The following ARHGEF7 variants were observed in gnomAD, a reference collection of about 807,000 sequenced individuals.
ARHGEF7 encodes the protein Rho guanine nucleotide exchange factor 7.
ARHGEF7 carries 33 observed loss-of-function variants against 109.8 expected under a neutral mutation model. That is an observed-to-expected ratio of 0.30 (90% confidence interval 0.23 to 0.40). The LOEUF is 0.40. Among genes scored for constraint, ARHGEF7 ranks in the 10% least tolerant of loss-of-function variants. ARHGEF7 has a pLI of 1.00. For synonymous variants in ARHGEF7, 458 were observed against 424.6 expected, an observed-to-expected ratio of 1.08 and a Z score of -0.97; for missense variants, 938 against 1,098.5, an observed-to-expected ratio of 0.85 and a Z score of 2.07.
In ARHGEF7 at chr13:111,301,508, G is replaced by A. The variant is rs142207275; in HGVS notation, c.2442G>A (p.Lys814=). The change falls in exon 21 of 22, where the codon AAG becomes AAA. Residue 814 remains lysine (K), a synonymous_variant. Coordinates refer to ENST00000646102, the MANE Select transcript of ARHGEF7 (RefSeq NM_001354046.2). ...TTGTGGATACCGTATATGCATTAAA[G>A]GATGAAGTTCAAGAATTAAGACAGG... ...KSLVDTVYAL[K]DEVQELRQDN... 9.3e-6 allele frequency: 15 copies of A among 1,612,652 alleles called. No homozygotes were observed. Among genetic ancestry groups the A allele is most frequent in the Non-Finnish European group, 1.2e-5 (14 of 1,178,962 alleles).
intron 3 of ARHGEF7, among the ~76,000 whole-genome samples, chr13:111,206,029 C>G (rs979923663): frequency 6.6e-6 from 1 of 152,096 alleles, no homozygotes; most frequent in Admixed American, 6.5e-5. Context: ...CCCTGAGGAG[C>G]TCTTTCTTGG....
intron 2 of ARHGEF7, among the ~76,000 whole-genome samples, chr13:111,202,305 T>C (rs536624249): frequency 6.6e-6 from 1 of 152,328 alleles, no homozygotes; most frequent in East Asian, 1.9e-4. Context: ...CCAGGAGCGC[T>C]TCTCACGCTT....
At position 111,222,708 on chromosome 13, in the gene ARHGEF7, C is replaced by T. The variant is rs201517970; in HGVS notation, c.670+4828C>T. Among the ~76,000 whole-genome samples, 6 of 152,358 alleles carry T rather than the reference C, an allele frequency of 3.9e-5. No homozygotes were observed. The East Asian group carries it at 1.2e-3, about 29-fold the overall frequency. ...CCTCCCAAAGTGCTGGGATTACAGG[C>T]GTGAGCCACCACGCCCAGCCCAGTC... On this transcript the variant is annotated intron_variant, in intron 5 of 21. Coordinates refer to ENST00000646102, the MANE Select transcript of ARHGEF7 (RefSeq NM_001354046.2).
At chr13:111,211,897 T>C (rs2082542841) in intron 4 of ARHGEF7, among the ~76,000 whole-genome samples, 1 of 152,212 alleles carries the variant, frequency 6.6e-6, no homozygotes, top group Admixed American at 6.5e-5. Context: ...ACTTGCAGTT[T>C]CTTGAATGTC....
At chr13:111,141,435 C>T (rs752062887) in intron 1 of ARHGEF7, among the ~76,000 whole-genome samples, 7 of 150,896 alleles carry the variant, frequency 4.6e-5, no homozygotes, top group South Asian at 4.2e-4. Flanking sequence ...ACATGTAGTG[C>T]GAGCTATGGG....
chr13:111,146,657 G>T (rs1412259961), intron 1 of ARHGEF7, among the ~76,000 whole-genome samples: 1 of 152,064 alleles, frequency 6.6e-6, no homozygotes, highest in Non-Finnish European at 1.5e-5. Flanking sequence ...TTCTGTAGTG[G>T]TTTTTTTACT....
chr13:111,132,135 C>T (rs2074789084), intron 1 of ARHGEF7, among the ~76,000 whole-genome samples: 1 of 152,198 alleles, frequency 6.6e-6, no homozygotes, highest in East Asian at 1.9e-4. Flanking sequence ...AAAGGAGGCT[C>T]TAGCAAACTG....
chr13:111,280,395 G>A (rs1279868696), intron 14 of ARHGEF7, 45 bp downstream of exon 14: 1 of 1,587,706 alleles, frequency 6.3e-7, no homozygotes, highest in African/African-American at 1.4e-5. Context: ...GGGGAGGAGA[G>A]GCAGCTTGTC....
chr13:111,240,974 A>G (rs1171595086), intron 6 of ARHGEF7, among the ~76,000 whole-genome samples: 1 of 152,132 alleles, frequency 6.6e-6, no homozygotes, highest in African/African-American at 2.4e-5. Context: ...AAAATCAGAA[A>G]TGCTAAGTAC....
intron 2 of ARHGEF7, among the ~76,000 whole-genome samples, chr13:111,203,883 G>A (rs1001058135): frequency 4.8e-4 from 73 of 152,332 alleles, no homozygotes; most frequent in African/African-American, 1.7e-3. Context: ...AGCATGCGGT[G>A]CCTGCAGGGT....
chr13:111,217,729 CT>C lies in ARHGEF7; in HGVS notation c.521del (p.Phe174SerfsTer61). ...AACTGGTAGTAAGAGCAAAGTTTAA[CT>C]TCCAGCAGACCAATGAGGACGAGCT... The part of the protein sequence containing the change: ...NQLVVRAKFN[F>X]QQTNEDELSF... On this transcript the variant is annotated frameshift_variant, in exon 5 of 22. Transcript: ENST00000646102. LOFTEE classifies it high-confidence loss of function. 1 of 1,614,244 alleles carries C rather than the reference CT, an allele frequency of 6.2e-7. No homozygotes were observed. Among genetic ancestry groups the C allele is most frequent in the Non-Finnish European group, 8.5e-7 (1 of 1,180,044 alleles).
intron 2 of ARHGEF7, among the ~76,000 whole-genome samples, chr13:111,204,206 G>A (rs954946172): frequency 6.6e-6 from 1 of 152,186 alleles, no homozygotes; most frequent in Non-Finnish European, 1.5e-5. Context: ...TTCTGGCAGG[G>A]TCTGCTAGAG....
intron 1 of ARHGEF7, among the ~76,000 whole-genome samples, chr13:111,119,930 T>C (rs2067067139): frequency 6.6e-6 from 1 of 152,172 alleles, no homozygotes; most frequent in Non-Finnish European, 1.5e-5. Flanking sequence ...CCGTGACCTG[T>C]AGCCGTCATA....
intron 2 of ARHGEF7, among the ~76,000 whole-genome samples, chr13:111,189,385 C>G (rs1258742581): frequency 6.6e-6 from 1 of 152,168 alleles, no homozygotes; most frequent in Non-Finnish European, 1.5e-5. Flanking sequence ...TGTGGTCTTG[C>G]TGACTTCAGG....
At chr13:111,256,452 C>T (rs1157494932) in intron 8 of ARHGEF7, among the ~76,000 whole-genome samples, 1 of 152,176 alleles carries the variant, frequency 6.6e-6, no homozygotes, top group African/African-American at 2.4e-5. Flanking sequence ...AGTATGGGCT[C>T]CACCATCCCT....
At position 111,241,264 on chromosome 13, in the gene ARHGEF7, G is replaced by T. The variant is rs976498178; in HGVS notation, c.760-2608G>T. The T allele has an allele frequency of 3.9e-6, 6 of 1,536,044 alleles. No individual in the cohort carries two copies. In the South Asian group the frequency reaches 5.9e-5, roughly 15 times the overall value. ...AGCGTTGGTGGGATGGAGCTGTGGC[G>T]TCCAGGCTGTGAGGTCTCATGGGGT... is the stretch of plus-strand genomic sequence containing the variant. On this transcript the variant is annotated intron_variant, in intron 6 of 21. Transcript: ENST00000646102.
chr13:111,292,056 TCCTGTCGTTCTCCTCCTCACCCCCTG>T, intron 18 of ARHGEF7, 36 bp from the exon 19 acceptor site: 1 of 1,430,162 alleles, frequency 7.0e-7, no homozygotes, highest in South Asian at 1.2e-5. Context: ...TTGTGGCTCT[TCCTGTCGTTCTCCTCCTCACCCCCTG>T]CCTGTCGCGC....
rs750681770 is a variant in ARHGEF7, at chr13:111,209,973, A to G, written c.439A>G (p.Lys147Glu). 3.2e-5 allele frequency: 52 copies of G among 1,614,102 alleles called. No homozygotes were observed. The highest frequency in any genetic ancestry group is 4.3e-5 in the Non-Finnish European group (51 of 1,180,036). ...ACAGTCTTTGCACACTCGGACTTCA[A>G]AACTGTTCCAGGGCCAGTATCGGAG... Reference protein sequence around the residue: ...GSQSLHTRTSKLFQGQYRSLD... With the variant: ...GSQSLHTRTSELFQGQYRSLD... Residue 147 changes from lysine to glutamate, a missense_variant, in exon 4 of 22, where the codon AAA becomes GAA. Coordinates refer to ENST00000646102, the MANE Select transcript of ARHGEF7 (RefSeq NM_001354046.2).
At chr13:111,183,504 C>T (rs938289212) in intron 2 of ARHGEF7, among the ~76,000 whole-genome samples, 32 of 152,090 alleles carry the variant, frequency 2.1e-4, no homozygotes, top group Admixed American at 1.6e-3. Context: ...TCTGTGGCTT[C>T]GTCTTTTCTA....
Sources: gnomAD v4.1 joint callset for allele counts (sites outside exome capture counted in the v4.1 genomes callset) on GRCh38, gnomAD v4.1.1 for gene constraint, MANE v1.5 for transcripts, NCBI Gene and HGNC (gene_info 2026-07-23, HGNC 2026-07-21) for gene names.